SPECC1: variants seen among roughly 807,000 people sequenced by gnomAD.
SPECC1 encodes the protein cytospin-B.
In SPECC1, 62 loss-of-function variants were observed where a neutral mutation model predicts 104.1. That is an observed-to-expected ratio of 0.60 (90% CI 0.49 to 0.74). SPECC1 has a LOEUF of 0.74. Among genes scored for constraint, SPECC1 ranks in the 30% least tolerant of loss-of-function variants. SPECC1 has a pLI of 0.00. For missense variants in SPECC1, 1,306 were observed against 1,310.5 expected, an observed-to-expected ratio of 1.00 and a Z score of 0.05; for synonymous variants, 513 against 501.6, an observed-to-expected ratio of 1.02 and a Z score of -0.30.
chr17:20,023,829 A>G (rs2044494505), intron 1 of SPECC1, among the ~76,000 whole-genome samples: 1 of 152,180 alleles, frequency 6.6e-6, no homozygotes, highest in South Asian at 2.1e-4. Context: ...AAACATGGAA[A>G]GCATCTCAGC....
intron 4 of SPECC1, among the ~76,000 whole-genome samples, chr17:20,212,438 C>G (rs1165820409): frequency 2.6e-5 from 4 of 152,174 alleles, no homozygotes; most frequent in Admixed American, 6.5e-5. Flanking sequence ...GGATGCCTCA[C>G]AATCATGGTG....
Position 20,204,915 on chromosome 17 carries a change from C to G in SPECC1, c.866C>G (p.Thr289Ser), listed in dbSNP as rs1472009052. Residue 289 changes from threonine to serine, a missense_variant, in exon 4 of 15, where the codon ACT (threonine) becomes AGT (serine). By Grantham distance (58) the Thr-to-Ser change is moderately conservative. Coordinates refer to ENST00000395527, the MANE Select transcript of SPECC1 (RefSeq NM_001243439.2). ...CAAGAGTCAAGCTTCGGAAGCCCAACTGGAAATCAGATGTCCAGTGACATT... is the reference window on the plus strand; with the variant it reads ...CAAGAGTCAAGCTTCGGAAGCCCAAGTGGAAATCAGATGTCCAGTGACATT... Reference protein sequence around the residue: ...ITQESSFGSPTGNQMSSDIDE... With the variant: ...ITQESSFGSPSGNQMSSDIDE... 2 of 1,614,082 alleles carry G rather than the reference C, an allele frequency of 1.2e-6. No homozygotes were observed. Among genetic ancestry groups the G allele is most frequent in the Admixed American group, 1.7e-5 (1 of 60,018 alleles).
At chr17:20,045,280 T>C (rs1219118391) in intron 1 of SPECC1, among the ~76,000 whole-genome samples, 1 of 152,194 alleles carries the variant, frequency 6.6e-6, no homozygotes, top group Non-Finnish European at 1.5e-5. Context: ...ATCACTCTTT[T>C]TGATGGTTGA....
intron 4 of SPECC1, among the ~76,000 whole-genome samples, chr17:20,225,098 C>A (rs1241308662): frequency 6.6e-6 from 1 of 151,970 alleles, no homozygotes; most frequent in Non-Finnish European, 1.5e-5. Flanking sequence ...GAGCTAGGAC[C>A]CGGAATGGGG....
intron 3 of SPECC1, among the ~76,000 whole-genome samples, chr17:20,145,733 C>T (rs1163020669): frequency 1.3e-5 from 2 of 152,138 alleles, no homozygotes; most frequent in African/African-American, 4.8e-5. Flanking sequence ...GGATCTACTA[C>T]TCAGCTAAGA....
rs142947657 is a variant in SPECC1 at position 20,059,826 on chromosome 17, C to T, written c.-21-36805C>T. ...GCAGTGAGCTCTGATCGTGCCACTG[C>T]ACTCCAGCCTGTGTGACAGAGCAAG... On this transcript the variant is annotated intron_variant, in intron 1 of 14. Transcript: ENST00000395527. Among the ~76,000 whole-genome samples the T allele has an allele frequency of 2.4e-3, 358 of 152,296 alleles. 1 individual carries two copies. The highest frequency in any genetic ancestry group is 8.3e-3 in the African/African-American group (346 of 41,560).
intron 12 of SPECC1, among the ~76,000 whole-genome samples, chr17:20,279,479 T>C (rs953026902): frequency 6.6e-6 from 1 of 151,972 alleles, no homozygotes; most frequent in Non-Finnish European, 1.5e-5. Flanking sequence ...TGCGCCACCA[T>C]GCCCGGCTAA....
At chr17:20,270,568 A>G (rs1263793556) in intron 12 of SPECC1, among the ~76,000 whole-genome samples, 1 of 150,810 alleles carries the variant, frequency 6.6e-6, no homozygotes, top group African/African-American at 2.4e-5. Flanking sequence ...TCCGTGAGCT[A>G]TGATCACACC....
At chr17:20,146,194 G>A (rs900695481) in intron 3 of SPECC1, among the ~76,000 whole-genome samples, 1 of 152,064 alleles carries the variant, frequency 6.6e-6, no homozygotes, top group African/African-American at 2.4e-5. Context: ...CCTAAAAATC[G>A]CCTGTGCTCC....
intron 3 of SPECC1, among the ~76,000 whole-genome samples, chr17:20,201,991 AG>A (rs2036465179): frequency 6.6e-6 from 1 of 152,264 alleles, no homozygotes; most frequent in Non-Finnish European, 1.5e-5. Flanking sequence ...AAATACATGT[AG>A]ATACTAATAA....
At chr17:20,125,822 G>A (rs1006978633) in intron 3 of SPECC1, among the ~76,000 whole-genome samples, 1 of 152,224 alleles carries the variant, frequency 6.6e-6, no homozygotes, top group African/African-American at 2.4e-5. Flanking sequence ...GGTAAACCCA[G>A]TTGTGAGGAT....
Position 20,205,180 on chromosome 17 carries a change from A to G in SPECC1, c.1131A>G (p.Ile377Met), listed in dbSNP as rs201267382. 2.5e-6 allele frequency: 4 copies of G among 1,614,230 alleles called. No individual in the cohort carries two copies. The highest frequency in any genetic ancestry group is 3.4e-6 in the Non-Finnish European group (4 of 1,180,046). The change falls in exon 4 of 15, where the codon ATA becomes ATG. Residue 377 changes from isoleucine to methionine, a missense_variant. Physicochemically the swap from Ile to Met is conservative, Grantham distance 10 (BLOSUM62 1). Around this residue, in one of 2 missense-constraint regions of SPECC1, gnomAD observed 1,177 missense variants for 1,139.9 expected, o/e 1.03. Transcript: ENST00000395527. ...ELSLASLTEK[I>M]QKMEENHHST... ...CCCTGGCTTCCCTCACAGAGAAGAT[A>G]CAAAAGATGGAAGAAAACCACCATA...
intron 3 of SPECC1, among the ~76,000 whole-genome samples, chr17:20,147,082 T>C (rs1053434748): frequency 9.8e-6 from 1 of 101,528 alleles, no homozygotes; most frequent in African/African-American, 3.9e-5. Flanking sequence ...TGGATCGTGA[T>C]TTTTTTTTTT....
intron 4 of SPECC1, among the ~76,000 whole-genome samples, chr17:20,206,913 T>G (rs2036822201): frequency 6.6e-6 from 1 of 152,204 alleles, no homozygotes; most frequent in Non-Finnish European, 1.5e-5. Flanking sequence ...TTTTTTAACC[T>G]TTTTTGCTTG....
At chr17:20,266,524 C>T (rs912156047) in intron 12 of SPECC1, among the ~76,000 whole-genome samples, 19 of 152,250 alleles carry the variant, frequency 1.2e-4, no homozygotes, top group East Asian at 1.9e-4. Flanking sequence ...GCGGAGCTTG[C>T]GGTGAGCCGA....
chr17:20,105,640 TC>T (rs545951755), intron 2 of SPECC1, among the ~76,000 whole-genome samples: 3 of 152,106 alleles, frequency 2.0e-5, no homozygotes, highest in Admixed American at 6.6e-5. Context: ...ACCTGTGCTT[TC>T]CCCCCGGTCA....
chr17:20,166,722 C>T (rs533264229), intron 3 of SPECC1, among the ~76,000 whole-genome samples: 1 of 152,274 alleles, frequency 6.6e-6, no homozygotes, highest in East Asian at 1.9e-4. Context: ...ACGACTGTGT[C>T]TGTTTCACTC....
intron 3 of SPECC1, among the ~76,000 whole-genome samples, chr17:20,144,995 C>T (rs1020371256): frequency 6.6e-6 from 1 of 152,172 alleles, no homozygotes; most frequent in African/African-American, 2.4e-5. Context: ...AGGCTAAAAA[C>T]ATTCTAATTC....
intron 3 of SPECC1, among the ~76,000 whole-genome samples, chr17:20,130,056 C>T (rs1404002511): frequency 6.6e-6 from 1 of 152,126 alleles, no homozygotes; most frequent in African/African-American, 2.4e-5. Context: ...GCCCAGCTGC[C>T]TAGAGCCACT....
Sources: gnomAD v4.1 joint callset for allele counts (sites outside exome capture counted in the v4.1 genomes callset) on GRCh38, gnomAD v4.1.1 for gene constraint, gnomAD v4.1.1 regional missense constraint, MANE v1.5 for transcripts, NCBI Gene and HGNC (gene_info 2026-07-23, HGNC 2026-07-21) for gene names.